SPAG16: variants seen among roughly 807,000 people sequenced by gnomAD.
SPAG16 encodes the protein sperm associated antigen 16.
SPAG16 carries 86 observed loss-of-function variants against 80.4 expected under a neutral mutation model. The ratio of observed to expected loss-of-function variants is 1.07; its 90% confidence interval spans 0.90 to 1.28. SPAG16 has a LOEUF of 1.28. Ranked by LOEUF, SPAG16 falls within the 50% of genes most tolerant of loss-of-function variation. The probability of loss-of-function intolerance (pLI) is 0.00; values close to 1 mark genes in which losing one functional copy is unlikely to be tolerated. For synonymous variants in SPAG16, 294 were observed against 265.9 expected (o/e 1.11, Z -1.03); for missense variants, 870 against 765.3 (o/e 1.14, Z -1.61).
Position 213,466,606 on chromosome 2 carries a change from C to G in SPAG16, c.943-23357C>G, listed in dbSNP as rs528162177. On this transcript the variant is annotated intron_variant, in intron 9 of 15. Coordinates refer to ENST00000331683, the MANE Select transcript of SPAG16 (RefSeq NM_024532.5). ...TTTATTCACCTGTTGCCCTGGTCTC[C>G]TCTGACAAGAGTAGACCTAGATACT... 5.9e-5 allele frequency among the ~76,000 whole-genome samples: 9 copies of G among 152,246 alleles called. No individual in the cohort carries two copies. In the South Asian group the frequency reaches 1.9e-3, roughly 32 times the overall value.
chr2:213,297,364 A>G lies in SPAG16; in HGVS notation c.279+7A>G, dbSNP rs565583198. 6.4e-7 allele frequency: 1 copy of G among 1,564,268 alleles called. No homozygotes were observed. Among genetic ancestry groups the G allele is most frequent in the South Asian group, 1.1e-5 (1 of 88,218 alleles). On this transcript the variant is annotated splice_region_variant and intron_variant, in intron 3 of 15. Coordinates refer to ENST00000331683, the MANE Select transcript of SPAG16 (RefSeq NM_024532.5). The stretch of plus-strand genomic sequence containing the variant: ...TACAGATACTGAAATTTTGGTGAGA[A>G]TTTGAACACTAGTGTAGTCTATAGT...
intron 10 of SPAG16, among the ~76,000 whole-genome samples, chr2:213,563,523 C>T (rs1057377790): frequency 1.3e-5 from 2 of 152,224 alleles, no homozygotes; most frequent in African/African-American, 4.8e-5. Flanking sequence ...TTACTGCCTT[C>T]TTTCTGGGCT....
intron 10 of SPAG16, among the ~76,000 whole-genome samples, chr2:213,569,901 C>T (rs905225629): frequency 3.0e-5 from 4 of 134,960 alleles, no homozygotes; most frequent in Non-Finnish European, 6.1e-5. Context: ...TGATTATTGT[C>T]ACAATTTCAG....
At chr2:214,134,771 C>T (rs192338464) in intron 14 of SPAG16, among the ~76,000 whole-genome samples, 69 of 152,206 alleles carry the variant, frequency 4.5e-4, no homozygotes, top group African/African-American at 1.6e-3. Context: ...TTTAACGTAT[C>T]GATATTTATG....
At chr2:213,963,946 T>C (rs1286334949) in intron 12 of SPAG16, among the ~76,000 whole-genome samples, 1 of 152,168 alleles carries the variant, frequency 6.6e-6, no homozygotes, top group Non-Finnish European at 1.5e-5. Context: ...ACAGACAACA[T>C]ATAGTTGGAT....
At chr2:213,720,529 T>C (rs1388469034) in intron 10 of SPAG16, among the ~76,000 whole-genome samples, 3 of 149,310 alleles carry the variant, frequency 2.0e-5, no homozygotes, top group Non-Finnish European at 4.4e-5. Flanking sequence ...TTCCAGCTAC[T>C]CCGAAGGCTG....
At chr2:213,512,242 T>C (rs1405007666) in intron 10 of SPAG16, among the ~76,000 whole-genome samples, 1 of 152,112 alleles carries the variant, frequency 6.6e-6, no homozygotes, top group Non-Finnish European at 1.5e-5. Flanking sequence ...AACTAGACTT[T>C]TGAACAAGGT....
chr2:214,298,226 A>C (rs1009386344), intron 15 of SPAG16, among the ~76,000 whole-genome samples: 7 of 151,660 alleles, frequency 4.6e-5, no homozygotes, highest in African/African-American at 1.2e-4. Context: ...TTCCTGTCTT[A>C]GTTCTCAGCT....
chr2:213,968,597 G>A (rs1406454494), intron 12 of SPAG16, among the ~76,000 whole-genome samples: 2 of 152,164 alleles, frequency 1.3e-5, no homozygotes, highest in Non-Finnish European at 2.9e-5. Context: ...GTATGTTTGG[G>A]CAATGATTAA....
intron 9 of SPAG16, among the ~76,000 whole-genome samples, chr2:213,382,428 C>T (rs893239646): frequency 1.3e-5 from 2 of 152,106 alleles, no homozygotes; most frequent in African/African-American, 4.8e-5. Context: ...GCCTTTTCTC[C>T]AGAAGTCTGG....
At chr2:214,136,964 G>A (rs1426956934) in intron 14 of SPAG16, among the ~76,000 whole-genome samples, 1 of 152,130 alleles carries the variant, frequency 6.6e-6, no homozygotes, top group Non-Finnish European at 1.5e-5. Flanking sequence ...TAATGTCTCT[G>A]CCATTTGCTT....
chr2:213,291,405 G>A (rs2062268680), intron 1 of SPAG16, among the ~76,000 whole-genome samples: 1 of 152,156 alleles, frequency 6.6e-6, no homozygotes, highest in African/African-American at 2.4e-5. Flanking sequence ...TTGCCTTTGG[G>A]AAATTTTAAA....
intron 12 of SPAG16, among the ~76,000 whole-genome samples, chr2:214,012,282 A>G (rs1330157992): frequency 3.9e-5 from 2 of 50,712 alleles, no homozygotes; most frequent in African/African-American, 2.4e-4. Flanking sequence ...ATATATATAT[A>G]TATATATTTT....
At chr2:214,368,969 C>T (rs1467809531) in intron 15 of SPAG16, among the ~76,000 whole-genome samples, 5 of 152,032 alleles carry the variant, frequency 3.3e-5, no homozygotes, top group Admixed American at 1.3e-4. Context: ...TGTTCAACTT[C>T]GCCCTTTTGG....
At chr2:214,341,222 AAAAG>A (rs1697668451) in intron 15 of SPAG16, among the ~76,000 whole-genome samples, 2 of 152,182 alleles carry the variant, frequency 1.3e-5, no homozygotes, top group Non-Finnish European at 1.5e-5. Flanking sequence ...TAAAAAGTGA[AAAAG>A]AAAGACAGAA....
intron 15 of SPAG16, among the ~76,000 whole-genome samples, chr2:214,370,758 G>C (rs1276499525): frequency 6.6e-6 from 1 of 152,188 alleles, no homozygotes; most frequent in Non-Finnish European, 1.5e-5. Context: ...GTTTGTCAAA[G>C]AGTACAAGCT....
intron 15 of SPAG16, among the ~76,000 whole-genome samples, chr2:214,167,390 G>A (rs1000764467): frequency 3.3e-5 from 5 of 151,438 alleles, no homozygotes; most frequent in African/African-American, 7.2e-5. Context: ...GGTGGGCATG[G>A]TTCATTCACT....
At chr2:213,823,660 C>T (rs559038332) in intron 10 of SPAG16, among the ~76,000 whole-genome samples, 15 of 152,204 alleles carry the variant, frequency 9.9e-5, no homozygotes, top group South Asian at 8.3e-4. Context: ...ACACCACACC[C>T]GGCCTGTTGA....
chr2:213,594,513 G>C (rs1019191564), intron 10 of SPAG16, among the ~76,000 whole-genome samples: 1 of 152,074 alleles, frequency 6.6e-6, no homozygotes, highest in Non-Finnish European at 1.5e-5. Flanking sequence ...GGGAGAATGG[G>C]GGTGTGCTCA....
Sources: gnomAD v4.1 joint callset for allele counts (sites outside exome capture counted in the v4.1 genomes callset) on GRCh38, gnomAD v4.1.1 for gene constraint, MANE v1.5 for transcripts, NCBI Gene and HGNC (gene_info 2026-07-23, HGNC 2026-07-21) for gene names.